The following TBC1D9 variants were observed in gnomAD, a reference collection of about 807,000 sequenced individuals.
TBC1D9 encodes TBC1 domain family member 9, also known as TBC1 domain family member 9A.
TBC1D9 carries 63 observed loss-of-function variants against 132.0 expected under a neutral mutation model. That is an observed-to-expected ratio of 0.48 (90% CI 0.39 to 0.59). The LOEUF (loss-of-function observed/expected upper bound fraction) is 0.59, where lower values mean the gene tolerates loss of function less well. TBC1D9 is among the 20% of genes least tolerant of loss of function. The probability of loss-of-function intolerance (pLI) is 0.00; values close to 1 mark genes in which losing one functional copy is unlikely to be tolerated. For synonymous variants in TBC1D9, 610 were observed against 609.9 expected (o/e 1.00, Z 0.00); for missense variants, 1,261 against 1,592.7 (o/e 0.79, Z 3.54).
At chr4:140,715,252 ACC>A (rs1170010043) in intron 1 of TBC1D9, among the ~76,000 whole-genome samples, 5 of 149,886 alleles carry the variant, frequency 3.3e-5, no homozygotes, top group African/African-American at 1.2e-4. Flanking sequence ...GGCATGTCTG[ACC>A]CCCCTTTCTC....
chr4:140,719,164 G>A (rs1307532263), intron 1 of TBC1D9, among the ~76,000 whole-genome samples: 9 of 146,414 alleles, frequency 6.1e-5, no homozygotes, highest in East Asian at 2.0e-4. Flanking sequence ...ATAAATAAAA[G>A]AAAGTGGATT....
rs570323877 is a variant in TBC1D9 at position 140,736,213 on chromosome 4, T to G, written c.130+19703A>C. Reference sequence around the variant, plus strand: ...AGTGAGGGGGAAGGAGACAGTGGGCTCAGAGGAACAGGTGAGATCAGATAA... The same window carrying G: ...AGTGAGGGGGAAGGAGACAGTGGGCGCAGAGGAACAGGTGAGATCAGATAA... On this transcript the variant is annotated intron_variant, in intron 1 of 20. Coordinates refer to ENST00000442267, the MANE Select transcript of TBC1D9 (RefSeq NM_015130.3). Among the ~76,000 whole-genome samples the G allele has an allele frequency of 6.6e-5, 10 of 151,566 alleles. No individual in the cohort carries two copies. In the South Asian group the frequency reaches 1.5e-3, roughly 22 times the overall value.
At chr4:140,702,250 C>T (rs867340251) in intron 1 of TBC1D9, among the ~76,000 whole-genome samples, 2 of 152,296 alleles carry the variant, frequency 1.3e-5, no homozygotes, top group South Asian at 4.2e-4. Context: ...TCCACTTATC[C>T]AGGGTTTACC....
intron 1 of TBC1D9, among the ~76,000 whole-genome samples, chr4:140,702,549 CA>C (rs1560890491): frequency 2.0e-5 from 3 of 152,326 alleles, no homozygotes; most frequent in East Asian, 3.9e-4. Flanking sequence ...CCCTGTTTCT[CA>C]CTCAGCAATC....
chr4:140,677,581 C>T (rs1227696398), intron 5 of TBC1D9, among the ~76,000 whole-genome samples: 2 of 152,214 alleles, frequency 1.3e-5, no homozygotes, highest in Non-Finnish European at 2.9e-5. Context: ...CCTTGGGCAA[C>T]TATGGCTTCT....
At chr4:140,639,942 T>A (rs1382123199) in intron 13 of TBC1D9, among the ~76,000 whole-genome samples, 1 of 152,182 alleles carries the variant, frequency 6.6e-6, no homozygotes, top group Non-Finnish European at 1.5e-5. Flanking sequence ...ACCCCCTAAA[T>A]GTTTGTTGTC....
rs1224457471 is a variant in TBC1D9, at chr4:140,664,040, CA to C, written c.1589-1934del. On this transcript the variant is annotated intron_variant, in intron 9 of 20. Transcript: ENST00000442267. ...TGTTCTCTCACCAAACTCTCCCCAC[CA>C]AAAAAAAAAAAAAAACAAGAAAAAA... Among the ~76,000 whole-genome samples the C allele has an allele frequency of 3.8e-3, 427 of 112,882 alleles. 2 individuals are homozygous for C. Among genetic ancestry groups the C allele is most frequent in the African/African-American group, 0.012 (326 of 26,700 alleles). 74.1% of individuals were successfully genotyped at this position (112,882 alleles called of 152,430 possible).
chr4:140,653,294 A>G (rs867812610), intron 13 of TBC1D9, among the ~76,000 whole-genome samples: 12 of 152,192 alleles, frequency 7.9e-5, no homozygotes, highest in African/African-American at 2.2e-4. Context: ...CTATGTTTCA[A>G]TTGTCACGGC....
intron 9 of TBC1D9, among the ~76,000 whole-genome samples, chr4:140,665,631 C>T (rs1030903612): frequency 6.6e-6 from 1 of 152,032 alleles, no homozygotes; most frequent in African/African-American, 2.4e-5. Context: ...CATAAAAAAA[C>T]CTGTATTTAA....
intron 16 of TBC1D9, among the ~76,000 whole-genome samples, chr4:140,630,655 C>T (rs1736780906): frequency 6.6e-6 from 1 of 152,302 alleles, no homozygotes; most frequent in South Asian, 2.1e-4. Context: ...GAGTGGTGAG[C>T]AGCCAAACCT....
intron 15 of TBC1D9, 21 bp downstream of exon 15, chr4:140,639,065 T>C (rs770283555): frequency 6.4e-7 from 1 of 1,561,010 alleles, no homozygotes; most frequent in Non-Finnish European, 8.7e-7. Context: ...TGAATGGGCA[T>C]GAATTTACCT....
intron 1 of TBC1D9, among the ~76,000 whole-genome samples, chr4:140,729,226 G>T (rs983292206): frequency 1.3e-4 from 20 of 152,084 alleles, no homozygotes; most frequent in African/African-American, 4.6e-4. Context: ...AGAATGTGAA[G>T]CTCTACGTAA....
In TBC1D9 at chr4:140,622,720, T is replaced by C; in HGVS notation, c.3276A>G (p.Pro1092=). The C allele has an allele frequency of 6.2e-7, 1 of 1,609,942 alleles. No homozygotes were observed. The part of the protein sequence containing the change: ...GSGPSCHQGI[P]GVLFPKKGPG... Reference sequence around the variant, plus strand: ...GCCCTTTCTTGGGGAAGAGCACGCCTGGGATGCCCTGGTGGCAGGACGGCC... The same window carrying C: ...GCCCTTTCTTGGGGAAGAGCACGCCCGGGATGCCCTGGTGGCAGGACGGCC... Residue 1092 remains proline, a synonymous_variant, in exon 21 of 21, where the codon CCA becomes CCG. Transcript: ENST00000442267.
At position 140,669,161 on chromosome 4, in the gene TBC1D9, G is replaced by A. The variant is rs981916882; in HGVS notation, c.1438-94C>T. On this transcript the variant is annotated intron_variant, in intron 8 of 20. Transcript: ENST00000442267. ...GGTCAGAACATGTTCCCTGCTGAAC[G>A]GAGTGACAATTCCAGAAAGAAGTCA... The A allele has an allele frequency of 7.2e-5, 90 of 1,247,040 alleles. 1 individual carries two copies. The Admixed American group carries it at 8.3e-4, about 11-fold the overall frequency. 77.2% of individuals were successfully genotyped at this position (1,247,040 alleles called of 1,614,324 possible).
chr4:140,698,070 T>G (rs1192377410), intron 2 of TBC1D9, among the ~76,000 whole-genome samples: 1 of 152,234 alleles, frequency 6.6e-6, no homozygotes, highest in Non-Finnish European at 1.5e-5. Flanking sequence ...AACTTCTTTC[T>G]TTTTAGTTCT....
intron 6 of TBC1D9, among the ~76,000 whole-genome samples, chr4:140,671,443 G>A (rs924829770): frequency 2.0e-5 from 3 of 152,076 alleles, no homozygotes; most frequent in South Asian, 2.1e-4. Flanking sequence ...AGGGCTCCTC[G>A]CTGCTTCATC....
chr4:140,626,245 A>C (rs1736708563), intron 18 of TBC1D9, among the ~76,000 whole-genome samples: 1 of 152,182 alleles, frequency 6.6e-6, no homozygotes, highest in East Asian at 1.9e-4. Context: ...GTCTTATTAC[A>C]TTCTCTTATT....
At chr4:140,714,207 A>G (rs1738294680) in intron 1 of TBC1D9, among the ~76,000 whole-genome samples, 1 of 152,186 alleles carries the variant, frequency 6.6e-6, no homozygotes, top group Non-Finnish European at 1.5e-5. Flanking sequence ...GCTCTGTAAA[A>G]TATTTAAAGA....
At chr4:140,642,661 G>C (rs1737022803) in intron 13 of TBC1D9, 3 of 691,324 alleles carry the variant, frequency 4.3e-6, no homozygotes, top group Admixed American at 4.6e-5. Flanking sequence ...CCCAAGTCTG[G>C]TTCCTCTCCC....
Sources: allele counts gnomAD v4.1 joint callset (sites outside exome capture counted in the v4.1 genomes callset), GRCh38; gene constraint gnomAD v4.1.1; transcripts MANE v1.5; gene names NCBI Gene and HGNC (gene_info 2026-07-23, HGNC 2026-07-21).